The following CTDP1 variants were observed in gnomAD, a reference collection of about 807,000 sequenced individuals.
CTDP1 encodes the protein RNA polymerase II subunit A C-terminal domain phosphatase.
In CTDP1, 47 loss-of-function variants were observed where a neutral mutation model predicts 91.8. The ratio of observed to expected loss-of-function variants is 0.51; its 90% CI spans 0.41 to 0.65. CTDP1 has a LOEUF of 0.65. Ranked by LOEUF, CTDP1 falls within the 30% of genes least tolerant of loss-of-function variation. The probability of loss-of-function intolerance (pLI) is 0.00; values close to 1 mark genes in which losing one functional copy is unlikely to be tolerated. For synonymous variants in CTDP1, 656 were observed against 598.5 expected (o/e 1.10, Z -1.40); for missense variants, 1,272 against 1,373.7 (o/e 0.93, Z 1.17).
At chr18:79,678,193 GTTCTT>G (rs1216143762), upstream of CTDP1, 2 of 152,194 alleles carry the variant, frequency 1.3e-5, no homozygotes, top group East Asian at 1.9e-4. Flanking sequence ...AGGAACGCGA[GTTCTT>G]TTAATTATCA....
chr18:79,703,594 G>C (rs566367283), intron 4 of CTDP1: 11 of 152,378 alleles, frequency 7.2e-5, no homozygotes, highest in African/African-American at 2.6e-4. Flanking sequence ...TTATTCAGTA[G>C]CTCAGGAAAA....
chr18:79,753,487 G>A (rs111721005), intron 12 of CTDP1, among the ~76,000 whole-genome samples, 165 bp from the exon 13 acceptor site: 6 of 152,366 alleles, frequency 3.9e-5, no homozygotes, highest in South Asian at 2.1e-4. Flanking sequence ...CTGTCCACAC[G>A]TGTGTGACGT....
intron 3 of CTDP1, among the ~76,000 whole-genome samples, chr18:79,696,984 C>G (rs2085761539): frequency 6.6e-6 from 1 of 152,180 alleles, no homozygotes; most frequent in South Asian, 2.1e-4. Flanking sequence ...TAAATTCGTG[C>G]TTTTAAATGA....
chr18:79,714,042 C>A (rs548759507), intron 7 of CTDP1, among the ~76,000 whole-genome samples: 2 of 149,872 alleles, frequency 1.3e-5, no homozygotes, highest in South Asian at 4.3e-4. Context: ...GCCAGGTCGT[C>A]AGGGGCTTAC....
chr18:79,727,161 G>T (rs1159621479), intron 10 of CTDP1, among the ~76,000 whole-genome samples: 1 of 152,182 alleles, frequency 6.6e-6, no homozygotes, highest in East Asian at 1.9e-4. Context: ...CCCAGAGGTG[G>T]GGTGTTTGGC....
chr18:79,731,331 G>T (rs560459157), intron 11 of CTDP1, among the ~76,000 whole-genome samples: 1 of 152,182 alleles, frequency 6.6e-6, no homozygotes, highest in Admixed American at 6.5e-5. Context: ...GTAGAGGAAG[G>T]GTCTCCACGT....
rs562052335 is a variant in CTDP1 at position 79,695,880 on chromosome 18, G to A, written c.399-97G>A. 1.4e-4 allele frequency: 135 copies of A among 988,498 alleles called. 2 individuals are homozygous for A. Among genetic ancestry groups the A allele is most frequent in the East Asian group, 1.0e-3 (43 of 41,240 alleles). 61.2% of individuals were successfully genotyped at this position (988,498 alleles called of 1,614,324 possible). A position where few individuals can be genotyped will look rare whatever the true frequency, so the allele number is the denominator to read the frequency against. Reference sequence around the variant, plus strand: ...TGTGCTAAGATAGCAGCGTGTGTCCGTTAAAACATCAGCTAGAATCCTGTC... The same window carrying A: ...TGTGCTAAGATAGCAGCGTGTGTCCATTAAAACATCAGCTAGAATCCTGTC... On this transcript the variant is annotated intron_variant, in intron 2 of 12. Transcript: ENST00000613122.
At chr18:79,724,913 G>A (rs933572439) in intron 10 of CTDP1, among the ~76,000 whole-genome samples, 1 of 152,174 alleles carries the variant, frequency 6.6e-6, no homozygotes, top group South Asian at 2.1e-4. Context: ...GCAGCGTCTC[G>A]AGGGCACTCA....
Position 79,700,272 on chromosome 18 carries a change from T to C in CTDP1, c.621+2284T>C, listed in dbSNP as rs182844831. On this transcript the variant is annotated intron_variant, in intron 4 of 12. Transcript: ENST00000613122. ...AGACGTGATTATGCTTAGTGAGGAA[T>C]GCACGCCAGAAGCCAGGAAAGGCTG... 2.3e-3 allele frequency among the ~76,000 whole-genome samples: 350 copies of C among 152,306 alleles called. 1 individual carries two copies. The highest frequency in any genetic ancestry group is 7.7e-3 in the African/African-American group (320 of 41,548).
At chr18:79,744,805 G>A (rs907231104) in intron 12 of CTDP1, among the ~76,000 whole-genome samples, 8 of 152,148 alleles carry the variant, frequency 5.3e-5, no homozygotes, top group African/African-American at 9.7e-5. Flanking sequence ...GTCATGGGGG[G>A]CGTCGTGGGA....
rs1285742382 is a variant in CTDP1, at chr18:79,753,742, C to T, written c.2838C>T (p.Ala946=). 2.5e-6 allele frequency: 4 copies of T among 1,613,786 alleles called. No homozygotes were observed. The highest frequency in any genetic ancestry group is 2.7e-5 in the African/African-American group (2 of 74,922). The change falls in exon 13 of 13, where the codon GCC becomes GCT. Residue 946 remains alanine (A), a synonymous_variant. Coordinates refer to ENST00000613122, the MANE Select transcript of CTDP1 (RefSeq NM_004715.5). The part of the protein sequence containing the change: ...SNEDEGSSSE[A]DEMAKALEAE... Reference sequence around the variant, plus strand: ...AGGATGAGGGCAGCAGCTCCGAGGCCGACGAGATGGCCAAGGCGCTGGAGG... The same window carrying T: ...AGGATGAGGGCAGCAGCTCCGAGGCTGACGAGATGGCCAAGGCGCTGGAGG...
chr18:79,700,609 C>T (rs534556863), intron 4 of CTDP1, among the ~76,000 whole-genome samples: 114 of 152,306 alleles, frequency 7.5e-4, no homozygotes, highest in African/African-American at 2.4e-3. Context: ...AGGAAGAAGC[C>T]GTCTCCGTAA....
At chr18:79,717,408 A>G in intron 8 of CTDP1, 127 bp from the exon 9 acceptor site, 2 of 1,363,740 alleles carry the variant, frequency 1.5e-6, no homozygotes, top group Non-Finnish European at 2.0e-6. Flanking sequence ...GGTGGGATGC[A>G]GCCGAGTGAG....
At chr18:79,726,237 A>G (rs2086441281) in intron 10 of CTDP1, among the ~76,000 whole-genome samples, 1 of 152,116 alleles carries the variant, frequency 6.6e-6, no homozygotes, top group African/African-American at 2.4e-5. Flanking sequence ...TTTCGGGTTC[A>G]CAGCCTTCCT....
chr18:79,733,622 A>C (rs1415725248), intron 11 of CTDP1, among the ~76,000 whole-genome samples: 1 of 151,632 alleles, frequency 6.6e-6, no homozygotes, highest in Non-Finnish European at 1.5e-5. Flanking sequence ...TGGGCCCCAA[A>C]GCTGGCGTCC....
intron 10 of CTDP1, among the ~76,000 whole-genome samples, chr18:79,727,055 G>T (rs1422654053): frequency 1.1e-4 from 17 of 151,782 alleles, no homozygotes. Context: ...GGCTGTGGGG[G>T]CTGGTGAGAA....
chr18:79,708,392 A>G (rs1178550737), intron 5 of CTDP1, among the ~76,000 whole-genome samples: 1 of 152,248 alleles, frequency 6.6e-6, no homozygotes, highest in African/African-American at 2.4e-5. Context: ...GGATGGGTGC[A>G]GGGAGTAGTT....
rs1336684849 is a variant in CTDP1, at chr18:79,714,552, G to A, written c.1092G>A (p.Gly364=). Reference sequence around the variant, plus strand: ...CTCCGCCCGTGAGAGACCCTGAGGGGGTAACGCAGGCCCCTGGAGTGGAGC... The same window carrying A: ...CTCCGCCCGTGAGAGACCCTGAGGGAGTAACGCAGGCCCCTGGAGTGGAGC... The part of the protein sequence containing the change: ...EPSPPVRDPE[G]VTQAPGVEPS... Residue 364 remains glycine, a synonymous_variant, in exon 8 of 13, where the codon GGG becomes GGA. Coordinates refer to ENST00000613122, the MANE Select transcript of CTDP1 (RefSeq NM_004715.5). The A allele has an allele frequency of 1.9e-6, 3 of 1,613,146 alleles. No homozygotes were observed. Among genetic ancestry groups the A allele is most frequent in the South Asian group, 1.1e-5 (1 of 91,090 alleles).
chr18:79,754,622 G>A (rs558866632), downstream of CTDP1: 5 of 152,300 alleles, frequency 3.3e-5, no homozygotes, highest in Non-Finnish European at 5.9e-5. Flanking sequence ...CGTGTGGAAC[G>A]GCAGAAATGG....
Sources: gnomAD v4.1 joint callset for allele counts (sites outside exome capture counted in the v4.1 genomes callset) on GRCh38, gnomAD v4.1.1 for gene constraint, MANE v1.5 for transcripts, NCBI Gene and HGNC (gene_info 2026-07-23, HGNC 2026-07-21) for gene names.